The following JAKMIP1 variants were observed in gnomAD, a reference collection of about 807,000 sequenced individuals.
JAKMIP1 encodes janus kinase and microtubule interacting protein 1.
JAKMIP1 carries 33 observed loss-of-function variants against 113.0 expected under a neutral mutation model. The ratio of observed to expected loss-of-function variants is 0.29; its 90% CI spans 0.22 to 0.39. The LOEUF (loss-of-function observed/expected upper bound fraction) is 0.39. Among genes scored for constraint, JAKMIP1 ranks in the 10% least tolerant of loss-of-function variants. The probability of loss-of-function intolerance (pLI) is 1.00; values close to 1 mark genes in which losing one functional copy is unlikely to be tolerated. For synonymous variants in JAKMIP1, 480 were observed against 459.9 expected (o/e 1.04, Z -0.56); for missense variants, 813 against 1,080.5 (o/e 0.75, Z 3.47).
intron 16 of JAKMIP1, among the ~76,000 whole-genome samples, chr4:6,043,252 T>C (rs562652344): frequency 6.6e-6 from 1 of 151,588 alleles, no homozygotes; most frequent in African/African-American, 2.4e-5. Context: ...ATCCCGGCTG[T>C]GGAGCACCCC....
intron 18 of JAKMIP1, among the ~76,000 whole-genome samples, chr4:6,037,897 T>A (rs1391527829): frequency 2.3e-5 from 3 of 131,852 alleles, no homozygotes; most frequent in East Asian, 2.5e-4. Context: ...TAGCCCTCCA[T>A]CACTGAGGCA....
At chr4:6,035,548 C>A (rs1056435773) in intron 19 of JAKMIP1, among the ~76,000 whole-genome samples, 2 of 152,138 alleles carry the variant, frequency 1.3e-5, no homozygotes, top group Non-Finnish European at 2.9e-5. Flanking sequence ...TCCAATGAGC[C>A]GCCATCACAA....
chr4:6,092,778 G>A (rs1241608187), intron 3 of JAKMIP1, among the ~76,000 whole-genome samples: 1 of 152,106 alleles, frequency 6.6e-6, no homozygotes, highest in Non-Finnish European at 1.5e-5. Flanking sequence ...AAACAGAAAC[G>A]CATTCCTGGA....
At chr4:6,070,552 C>A (rs1222107189) in intron 8 of JAKMIP1, among the ~76,000 whole-genome samples, 1 of 152,262 alleles carries the variant, frequency 6.6e-6, no homozygotes, top group Non-Finnish European at 1.5e-5. Flanking sequence ...ATCCCGTCCT[C>A]CCTGAGCCGA....
Position 6,199,077 on chromosome 4 carries a change from A to C in JAKMIP1, c.-148+1176T>G, listed in dbSNP as rs376589965. ...AGGAAAGCTCAGGAGGGGCAAGGGG[A>C]TCTCCCTGACTACAAGGAGCTGGCC... On this transcript the variant is annotated intron_variant, in intron 1 of 20. Coordinates refer to ENST00000409021, the MANE Select transcript of JAKMIP1 (RefSeq NM_001099433.2). This position sits in a 1 kb window ranked among gnomAD's most constrained non-coding sequence, Gnocchi z 5.6. Among the ~76,000 whole-genome samples, 7 of 152,370 alleles carry C rather than the reference A, an allele frequency of 4.6e-5. No individual in the cohort carries two copies. In the East Asian group the frequency reaches 1.4e-3, roughly 29 times the overall value.
Position 6,185,561 on chromosome 4 carries a change from T to A in JAKMIP1, c.-148+14692A>T, listed in dbSNP as rs1250082491. Among the ~76,000 whole-genome samples the A allele has an allele frequency of 1.3e-5, 2 of 152,152 alleles. No homozygotes were observed. The highest frequency in any genetic ancestry group is 4.8e-5 in the African/African-American group (2 of 41,430). On this transcript the variant is annotated intron_variant, in intron 1 of 20. Coordinates refer to ENST00000409021, the MANE Select transcript of JAKMIP1 (RefSeq NM_001099433.2). This position sits in a 1 kb window ranked among gnomAD's most constrained non-coding sequence, Gnocchi z 5.3. Reference sequence around the variant, plus strand: ...TACTTGGGAGGCTGAGGCAGGAGAATGGCGTGAACCTGGGAGGCGGAGCTT... The same window carrying A: ...TACTTGGGAGGCTGAGGCAGGAGAAAGGCGTGAACCTGGGAGGCGGAGCTT...
intron 3 of JAKMIP1, among the ~76,000 whole-genome samples, chr4:6,104,725 C>A (rs944096940): frequency 6.6e-6 from 1 of 152,204 alleles, no homozygotes; most frequent in African/African-American, 2.4e-5. Flanking sequence ...CTCCCTTTGT[C>A]TCCTACGTCC....
In JAKMIP1 at chr4:6,141,025, T is replaced by C. The variant is rs999474724; in HGVS notation, c.-147-28028A>G. On this transcript the variant is annotated intron_variant, in intron 1 of 20. Transcript: ENST00000409021. The surrounding 1 kb of genome is among the most constrained non-coding windows in gnomAD (Gnocchi z 9.4). Reference sequence around the variant, plus strand: ...CCCTGTGGGCCAGGCATCTGGGACCTGTAACCTCAGCAGCCAGCATGGGCC... The same window carrying C: ...CCCTGTGGGCCAGGCATCTGGGACCCGTAACCTCAGCAGCCAGCATGGGCC... Among the ~76,000 whole-genome samples the C allele has an allele frequency of 1.3e-5, 2 of 152,170 alleles. No homozygotes were observed. Among genetic ancestry groups the C allele is most frequent in the African/African-American group, 4.8e-5 (2 of 41,418 alleles).
In JAKMIP1 at chr4:6,067,946, C is replaced by T. The variant is rs540279379; in HGVS notation, c.1303-2938G>A. On this transcript the variant is annotated intron_variant, in intron 8 of 20. Transcript: ENST00000409021. This position sits in a 1 kb window ranked among gnomAD's most constrained non-coding sequence, Gnocchi z 4.6. Reference sequence around the variant, plus strand: ...CTGCTAACTGCAAGGCCTTTGGGGACGAGTCTGTTTGTTGCTGTAGCCCAG... The same window carrying T: ...CTGCTAACTGCAAGGCCTTTGGGGATGAGTCTGTTTGTTGCTGTAGCCCAG... Among the ~76,000 whole-genome samples, 144 of 152,236 alleles carry T rather than the reference C, an allele frequency of 9.5e-4. No individual in the cohort carries two copies. The highest frequency in any genetic ancestry group is 6.3e-4 in the African/African-American group (26 of 41,574).
intron 1 of JAKMIP1, among the ~76,000 whole-genome samples, chr4:6,115,766 A>T (rs13111063): frequency 0.086 from 13,155 of 152,294 alleles, 659 homozygotes; most frequent in African/African-American, 0.13. Context: ...CAGGAAGGAC[A>T]CCACTAAAAA....
At chr4:6,175,450 C>T (rs757571568) in intron 1 of JAKMIP1, among the ~76,000 whole-genome samples, 4 of 152,248 alleles carry the variant, frequency 2.6e-5, no homozygotes, top group Admixed American at 6.5e-5. Context: ...TTTTGCAACA[C>T]TTTCAAGAAT....
In JAKMIP1 at chr4:6,141,642, A is replaced by ATGATTCTCCATCTTAACTTGCCGGTAG. The variant is rs1553851382; in HGVS notation, c.-147-28672_-147-28646dup. 4.6e-5 allele frequency among the ~76,000 whole-genome samples: 7 copies of ATGATTCTCCATCTTAACTTGCCGGTAG among 152,140 alleles called. No individual in the cohort carries two copies. The highest frequency in any genetic ancestry group is 1.5e-5 in the Non-Finnish European group (1 of 68,022). ...CTTTCTCCTCCACTCCCAAATCCACATGATTCTCCATCTTAACTTGCCGGT... is the reference window on the plus strand; with the variant it reads ...CTTTCTCCTCCACTCCCAAATCCACATGATTCTCCATCTTAACTTGCCGGTAGTGATTCTCCATCTTAACTTGCCGGT... On this transcript the variant is annotated intron_variant, in intron 1 of 20. Transcript: ENST00000409021. The surrounding 1 kb of genome is among the most constrained non-coding windows in gnomAD (Gnocchi z 9.4).
In JAKMIP1 at chr4:6,035,867, C is replaced by T. The variant is rs536113732; in HGVS notation, c.2379+37G>A. On this transcript the variant is annotated intron_variant, in intron 19 of 20. Coordinates refer to ENST00000409021, the MANE Select transcript of JAKMIP1 (RefSeq NM_001099433.2). Reference sequence around the variant, plus strand: ...AGGTGCACACAGGACAACAAGGGTGCCGGGGTGCTGTGGGCACAGCCGCTG... The same window carrying T: ...AGGTGCACACAGGACAACAAGGGTGTCGGGGTGCTGTGGGCACAGCCGCTG... The T allele has an allele frequency of 4.0e-6, 6 of 1,512,728 alleles. No individual in the cohort carries two copies. The South Asian group carries it at 6.2e-5, about 16-fold the overall frequency. 93.7% of individuals were successfully genotyped at this position (1,512,728 alleles called of 1,614,324 possible).
intron 1 of JAKMIP1, among the ~76,000 whole-genome samples, chr4:6,160,198 A>T (rs1722739900): frequency 6.6e-6 from 1 of 152,202 alleles, no homozygotes; most frequent in Non-Finnish European, 1.5e-5. Flanking sequence ...AGAGAAAAAC[A>T]TCAAGGGCAC....
chr4:6,072,900 G>A (rs960253526), intron 8 of JAKMIP1, among the ~76,000 whole-genome samples: 2 of 151,976 alleles, frequency 1.3e-5, no homozygotes, highest in African/African-American at 4.8e-5. Flanking sequence ...CCAATATGGT[G>A]AAACCCTGTC....
chr4:6,126,101 CACACACAAACACACACCATGCAGAA>C (rs1289949542), intron 1 of JAKMIP1, among the ~76,000 whole-genome samples: 3 of 149,124 alleles, frequency 2.0e-5, no homozygotes, highest in Non-Finnish European at 4.4e-5. Flanking sequence ...CAGAAACACA[CACACACAAACACACACCATGCAGAA>C]ACACACAAAC....
At chr4:6,027,850 C>G (rs1712066341) in intron 20 of JAKMIP1, among the ~76,000 whole-genome samples, 1 of 152,172 alleles carries the variant, frequency 6.6e-6, no homozygotes, top group Admixed American at 6.5e-5. Flanking sequence ...GCAAGGATGA[C>G]CTTGGGCATG....
rs1723086316 is a variant in JAKMIP1, at chr4:6,162,452, A to C, written c.-148+37801T>G. Among the ~76,000 whole-genome samples the C allele has an allele frequency of 6.6e-6, 1 of 152,184 alleles. No individual in the cohort carries two copies. The highest frequency in any genetic ancestry group is 6.5e-5 in the Admixed American group (1 of 15,278). ...CCAGAGGCCACATGAGCCAAGTGAC[A>C]GGGGCAGATGGAGCCAGGGCCCTTG... On this transcript the variant is annotated intron_variant, in intron 1 of 20. Transcript: ENST00000409021. The surrounding 1 kb of genome is among the most constrained non-coding windows in gnomAD (Gnocchi z 5.6).
chr4:6,153,213 G>A lies in JAKMIP1; in HGVS notation c.-147-40216C>T, dbSNP rs949748837. Among the ~76,000 whole-genome samples the A allele has an allele frequency of 5.9e-5, 9 of 152,056 alleles. No individual in the cohort carries two copies. Among genetic ancestry groups the A allele is most frequent in the African/African-American group, 1.9e-4 (8 of 41,400 alleles). Reference sequence around the variant, plus strand: ...AGAGGCCAACACCTGCTCACCATTCGACAGCACCCTGATTCCTACTCAGAG... The same window carrying A: ...AGAGGCCAACACCTGCTCACCATTCAACAGCACCCTGATTCCTACTCAGAG... On this transcript the variant is annotated intron_variant, in intron 1 of 20. Coordinates refer to ENST00000409021, the MANE Select transcript of JAKMIP1 (RefSeq NM_001099433.2). This position sits in a 1 kb window ranked among gnomAD's most constrained non-coding sequence, Gnocchi z 4.9.
Sources: gnomAD v4.1 joint callset for allele counts (sites outside exome capture counted in the v4.1 genomes callset) on GRCh38, gnomAD v4.1.1 for gene constraint, Gnocchi (gnomAD v3.1) non-coding constraint, MANE v1.5 for transcripts, NCBI Gene and HGNC (gene_info 2026-07-23, HGNC 2026-07-21) for gene names.